LPAR4: variants seen among roughly 807,000 people sequenced by gnomAD.
LPAR4 encodes the protein G-protein coupled receptor 23.
LPAR4 carries 14 observed loss-of-function variants against 9.2 expected under a neutral mutation model. The observed-to-expected ratio is 1.51, with a 90% CI of 1.00 to 2.37. The LOEUF (loss-of-function observed/expected upper bound fraction) is 2.37. Ranked by LOEUF, LPAR4 falls within the 30% of genes most tolerant of loss-of-function variation. LPAR4 has a pLI of 0.00. For missense variants in LPAR4, 251 were observed against 272.1 expected, an observed-to-expected ratio of 0.92 and a Z score of 0.55; for synonymous variants, 131 against 97.9, an observed-to-expected ratio of 1.34 and a Z score of -1.99.
chrX:78,755,682 G>T lies in LPAR4; in HGVS notation c.813G>T (p.Leu271Phe), dbSNP rs777994427. ...CFVPYNSVLF[L>F]YALVRSQAIT... The stretch of plus-strand genomic sequence containing the variant: ...TACCCTACAACTCTGTCCTCTTCTT[G>T]TATGCCCTGGTGCGCTCCCAAGCTA... Residue 271 changes from leucine (L) to phenylalanine (F), a missense_variant, in exon 5 of 5, where the codon TTG becomes TTT. Transcript: ENST00000614823. The T allele has an allele frequency of 1.7e-6, 2 of 1,209,716 alleles. No homozygotes were observed. Among genetic ancestry groups the T allele is most frequent in the South Asian group, 1.8e-5 (1 of 56,895 alleles).
Position 78,754,990 on chromosome X carries a change from C to A in LPAR4, c.121C>A (p.Leu41Ile), listed in dbSNP as rs2147504476. 2 of 1,208,193 alleles carry A rather than the reference C, an allele frequency of 1.7e-6. No individual in the cohort carries two copies. Among genetic ancestry groups the A allele is most frequent in the South Asian group, 1.8e-5 (1 of 56,701 alleles). The change falls in exon 5 of 5, where the codon CTC becomes ATC. Residue 41 changes from leucine to isoleucine, a missense_variant. Transcript: ENST00000614823. ...TGTTGATGATTCCTTCAAGTATAAT[C>A]TCAATGGTGCTGTCTACAGTGTTGT... is the stretch of plus-strand genomic sequence containing the variant. ...CIVDDSFKYN[L>I]NGAVYSVVFI...
chrX:78,758,669 T>C lies in LPAR4; in HGVS notation c.*2687T>C, dbSNP rs1362651870. On this transcript the variant is annotated 3_prime_UTR_variant, in exon 5 of 5. Coordinates refer to ENST00000614823, the MANE Select transcript of LPAR4 (RefSeq NM_001278000.3). ...GCAATTTTGCAGCTGTAATTGCAAC[T>C]TGGATTTTAAATGTTTATTAAATGT... Among the ~76,000 whole-genome samples, 2 of 111,730 alleles carry C rather than the reference T, an allele frequency of 1.8e-5. No individual in the cohort carries two copies. The highest frequency in any genetic ancestry group is 9.5e-5 in the Admixed American group (1 of 10,515).
At chrX:78,748,171 A>T (rs1292562777) in intron 1 of LPAR4, 137 bp downstream of exon 1, 2 of 111,659 alleles carry the variant, frequency 1.8e-5, no homozygotes, top group East Asian at 2.8e-4. Flanking sequence ...CTGAACAAGG[A>T]TCTTCGTGAT....
rs1412262842 is a variant in LPAR4, at chrX:78,756,184, A to G, written c.*202A>G. ...AATCTAATTACAACAACCAAGATGG[A>G]TTGCCAAACTCTTCTGCTTGGTTGG... On this transcript the variant is annotated 3_prime_UTR_variant, in exon 5 of 5. Coordinates refer to ENST00000614823, the MANE Select transcript of LPAR4 (RefSeq NM_001278000.3). The G allele has an allele frequency of 2.3e-5, 9 of 396,877 alleles. No individual in the cohort carries two copies. The highest frequency in any genetic ancestry group is 5.0e-5 in the Admixed American group (1 of 20,123). The allele number at this position is 396,877 out of a possible 1,213,427, so 32.7% of individuals were successfully genotyped here.
chrX:78,757,118 A>C lies in LPAR4; in HGVS notation c.*1136A>C, dbSNP rs974008067. 2 of 121,346 alleles carry C rather than the reference A, an allele frequency of 1.6e-5. No homozygotes were observed. Among genetic ancestry groups the C allele is most frequent in the Non-Finnish European group, 3.8e-5 (2 of 52,702 alleles). The allele number at this position is 121,346 out of a possible 1,213,427, so 10.0% of individuals were successfully genotyped here. On this transcript the variant is annotated 3_prime_UTR_variant, in exon 5 of 5. Transcript: ENST00000614823. ...AACACATAAACTAAACCAAACCAAA[A>C]CAAAAAAACCAGAGAACCCCAAGAA... is the stretch of plus-strand genomic sequence containing the variant.
intron 4 of LPAR4, among the ~76,000 whole-genome samples, chrX:78,752,961 G>A (rs887530097): frequency 2.7e-5 from 3 of 111,465 alleles, no homozygotes; most frequent in Non-Finnish European, 5.7e-5. Context: ...GGAAACAATT[G>A]TGGCCACTCT....
In LPAR4 at chrX:78,758,377, C is replaced by T. The variant is rs1692586178; in HGVS notation, c.*2395C>T. Among the ~76,000 whole-genome samples, 1 of 111,075 alleles carries T rather than the reference C, an allele frequency of 9.0e-6. No homozygotes were observed. Among genetic ancestry groups the T allele is most frequent in the Non-Finnish European group, 1.9e-5 (1 of 52,818 alleles). The stretch of plus-strand genomic sequence containing the variant: ...ATATATGTGAACATTTGTTTGTGCC[C>T]TTGCTTCTTAACATTATAAAATTTT... On this transcript the variant is annotated 3_prime_UTR_variant, in exon 5 of 5. Transcript: ENST00000614823.
At chrX:78,748,657 G>A (rs1322595380) in intron 1 of LPAR4, among the ~76,000 whole-genome samples, 2 of 111,850 alleles carry the variant, frequency 1.8e-5, no homozygotes, top group African/African-American at 6.5e-5. Flanking sequence ...GTCTTATTGA[G>A]TTGCTAAATA....
intron 4 of LPAR4, among the ~76,000 whole-genome samples, chrX:78,751,604 CTAAGTA>C (rs1425496034): frequency 9.0e-6 from 1 of 110,800 alleles, no homozygotes. Flanking sequence ...GTTTCAGTGT[CTAAGTA>C]TATCACATGA....
At chrX:78,754,493 A>T (rs2147503747) in intron 4 of LPAR4, among the ~76,000 whole-genome samples, 1 of 112,252 alleles carries the variant, frequency 8.9e-6, no homozygotes, top group South Asian at 3.7e-4. Flanking sequence ...GAGGTTTTGC[A>T]GTCCCATAAA....
At chrX:78,749,320 G>A (rs368946501) in intron 1 of LPAR4, 1 of 111,708 alleles carries the variant, frequency 9.0e-6, no homozygotes, top group East Asian at 2.8e-4. Context: ...GTTGGGGGAA[G>A]AACAAAACCT....
At chrX:78,751,672 G>A (rs965817279) in intron 4 of LPAR4, among the ~76,000 whole-genome samples, 1 of 111,226 alleles carries the variant, frequency 9.0e-6, no homozygotes, top group African/African-American at 3.3e-5. Context: ...ATGGAATAAT[G>A]TCAAAATCCT....
rs1261683383 is a variant in LPAR4, at chrX:78,757,496, T to TA, written c.*1518dup. 3.6e-5 allele frequency among the ~76,000 whole-genome samples: 4 copies of TA among 112,001 alleles called. No homozygotes were observed. Among genetic ancestry groups the TA allele is most frequent in the African/African-American group, 1.3e-4 (4 of 30,956 alleles). On this transcript the variant is annotated 3_prime_UTR_variant, in exon 5 of 5. Coordinates refer to ENST00000614823, the MANE Select transcript of LPAR4 (RefSeq NM_001278000.3). The stretch of plus-strand genomic sequence containing the variant: ...TTAAAAGGAATTAAAAACAGTATTT[T>TA]AAAATCTACAAAAAAAGAGAAAATT...
At position 78,754,888 on chromosome X, in the gene LPAR4, A is replaced by C. The variant is rs375945230; in HGVS notation, c.19A>C (p.Ile7Leu). 8.4e-7 allele frequency: 1 copy of C among 1,195,245 alleles called. No homozygotes were observed. Among genetic ancestry groups the C allele is most frequent in the Non-Finnish European group, 1.1e-6 (1 of 888,265 alleles). The change falls in exon 5 of 5, where the codon ATT becomes CTT. Residue 7 changes from isoleucine to leucine, a missense_variant. Physicochemically the swap from Ile to Leu is conservative, Grantham distance 5. Coordinates refer to ENST00000614823, the MANE Select transcript of LPAR4 (RefSeq NM_001278000.3). MGDRRF[I>L]DFQFQDSNSS... ...AAAGTCCATGGGTGACAGAAGATTC[A>C]TTGACTTCCAATTCCAAGATTCAAA...
chrX:78,752,512 A>G (rs1569555848), intron 4 of LPAR4, among the ~76,000 whole-genome samples: 1 of 112,064 alleles, frequency 8.9e-6, no homozygotes, highest in Non-Finnish European at 1.9e-5. Context: ...CTAAGTATCT[A>G]TACATAAGAA....
chrX:78,747,822 G>A lies in LPAR4; in HGVS notation c.-507G>A, dbSNP rs1388658776. ...AAATGTAAATAAGCTCACATTTACA[G>A]AATGAGCGGTTTGCAGTAAAAAGCT... On this transcript the variant is annotated 5_prime_UTR_variant, in exon 1 of 5. Coordinates refer to ENST00000614823, the MANE Select transcript of LPAR4 (RefSeq NM_001278000.3). The A allele has an allele frequency of 1.1e-5, 1 of 93,469 alleles. No individual in the cohort carries two copies. Among genetic ancestry groups the A allele is most frequent in the Non-Finnish European group, 2.0e-5 (1 of 48,989 alleles). 7.7% of individuals were successfully genotyped at this position (93,469 alleles called of 1,213,427 possible).
At position 78,755,735 on chromosome X, in the gene LPAR4, C is replaced by T. The variant is rs1312556575; in HGVS notation, c.866C>T (p.Ala289Val). 5 of 1,210,851 alleles carry T rather than the reference C, an allele frequency of 4.1e-6. No individual in the cohort carries two copies. The highest frequency in any genetic ancestry group is 4.4e-5 in the Admixed American group (2 of 45,921). ...ACTAATTGCTTTTTGGAAAGATTTG[C>T]AAAGATCATGTACCCAATCACCTTG... ...AITNCFLERF[A>V]KIMYPITLCL... The change falls in exon 5 of 5, where the codon GCA (alanine) becomes GTA (valine). Residue 289 changes from alanine to valine, a missense_variant. Ala to Val is a moderately conservative substitution (Grantham distance 64). Coordinates refer to ENST00000614823, the MANE Select transcript of LPAR4 (RefSeq NM_001278000.3).
chrX:78,756,036 GCT>G lies in LPAR4; in HGVS notation c.*55_*56del, dbSNP rs1372929413. 9.2e-6 allele frequency: 9 copies of G among 981,092 alleles called. No homozygotes were observed. Among genetic ancestry groups the G allele is most frequent in the African/African-American group, 7.7e-5 (4 of 51,664 alleles). The allele number at this position is 981,092 out of a possible 1,213,427, so 80.9% of individuals were successfully genotyped here. ...TGGTTTCTCCTATAATTTTTCCTAT[GCT>G]ATAAACTAAAGATTTGAAGCTAATG... On this transcript the variant is annotated 3_prime_UTR_variant, in exon 5 of 5. Coordinates refer to ENST00000614823, the MANE Select transcript of LPAR4 (RefSeq NM_001278000.3).
chrX:78,755,140 A>G lies in LPAR4; in HGVS notation c.271A>G (p.Thr91Ala), dbSNP rs1925230448. 1 of 1,210,829 alleles carries G rather than the reference A, an allele frequency of 8.3e-7. No homozygotes were observed. The highest frequency in any genetic ancestry group is 1.1e-6 in the Non-Finnish European group (1 of 894,929). Residue 91 changes from threonine to alanine, a missense_variant, in exon 5 of 5, where the codon ACA (threonine) becomes GCA (alanine). Physicochemically the swap from Thr to Ala is moderately conservative, Grantham distance 58. Transcript: ENST00000614823. ...LAVSDLLFVC[T>A]LPFKIFYNFN... Reference sequence around the variant, plus strand: ...TGTCTCTGATTTGCTTTTTGTCTGTACACTACCTTTTAAAATATTTTACAA... The same window carrying G: ...TGTCTCTGATTTGCTTTTTGTCTGTGCACTACCTTTTAAAATATTTTACAA...
Sources: gnomAD v4.1 joint callset for allele counts (sites outside exome capture counted in the v4.1 genomes callset) on GRCh38, gnomAD v4.1.1 for gene constraint, MANE v1.5 for transcripts, NCBI Gene and HGNC (gene_info 2026-07-23, HGNC 2026-07-21) for gene names.